ATP2A1: variants seen among roughly 807,000 people sequenced by gnomAD.
ATP2A1 encodes the protein sarcoplasmic/endoplasmic reticulum calcium ATPase 1.
A neutral mutation model predicts 109.5 loss-of-function variants in ATP2A1; 83 were observed. The ratio of observed to expected loss-of-function variants is 0.76; its 90% CI spans 0.63 to 0.91. The LOEUF is 0.91. ATP2A1 is among the 40% of genes least tolerant of loss of function. ATP2A1 has a pLI of 0.00. For synonymous variants in ATP2A1, 505 were observed against 537.6 expected (o/e 0.94, Z 0.84); for missense variants, 1,101 against 1,341.0 (o/e 0.82, Z 2.80).
chr16:28,901,619 T>C (rs977479601), intron 15 of ATP2A1, among the ~76,000 whole-genome samples: 1 of 151,440 alleles, frequency 6.6e-6, no homozygotes, highest in Non-Finnish European at 1.5e-5. Context: ...GGCGACAGAG[T>C]GAGACTCCGT....
rs149009015 is a variant in ATP2A1, at chr16:28,894,528, G to A, written c.1208G>A (p.Arg403Gln). Residue 403 changes from arginine to glutamine, a missense_variant, in exon 11 of 23, where the codon CGG (arginine) becomes CAG (glutamine). Physicochemically the swap from Arg to Gln is conservative, Grantham distance 43. Transcript: ENST00000395503. ...GEVLKNDKPV[R>Q]PGQYDGLVEL... The stretch of plus-strand genomic sequence containing the variant: ...AGCTTGAAGAATGATAAGCCAGTCC[G>A]GCCAGGGCAGTATGACGGGCTGGTG... 243 of 1,613,868 alleles carry A rather than the reference G, an allele frequency of 1.5e-4. No individual in the cohort carries two copies. Among genetic ancestry groups the A allele is most frequent in the African/African-American group, 1.3e-3 (97 of 74,884 alleles).
chr16:28,885,385 C>G (rs1211310827), intron 6 of ATP2A1, among the ~76,000 whole-genome samples: 4 of 151,964 alleles, frequency 2.6e-5, no homozygotes, highest in Non-Finnish European at 5.9e-5. Context: ...TGCTCTGTCA[C>G]CCAGGCTGGA....
At chr16:28,879,215 A>G (rs1245536021) in intron 2 of ATP2A1, 99 bp downstream of exon 2, 1 of 1,455,144 alleles carries the variant, frequency 6.9e-7, no homozygotes, top group Non-Finnish European at 9.6e-7. Flanking sequence ...TTGAGCAAAT[A>G]TCCCTTCCCA....
rs1290683034 is a variant in ATP2A1, at chr16:28,879,534, T to G, written c.170T>G (p.Phe57Cys). 6.2e-7 allele frequency: 1 copy of G among 1,614,034 alleles called. No homozygotes were observed. The highest frequency in any genetic ancestry group is 8.5e-7 in the Non-Finnish European group (1 of 1,180,026). Residue 57 changes from phenylalanine (F) to cysteine (C), a missense_variant, in exon 3 of 23, where the codon TTT (phenylalanine) becomes TGT (cysteine). Phe to Cys is a radical substitution (Grantham distance 205). Transcript: ENST00000395503. ...KTLWELVIEQFEDLLVRILLL... is the reference protein window; with the variant it reads ...KTLWELVIEQCEDLLVRILLL... ...CTGTGGGAGCTGGTGATAGAGCAGT[T>G]TGAAGACCTCCTGGTGCGGATTCTC... is the stretch of plus-strand genomic sequence containing the variant.
intron 8 of ATP2A1, 35 bp from the exon 9 acceptor site, chr16:28,888,743 CCTCCCCTTG>C: frequency 6.2e-7 from 1 of 1,604,420 alleles, no homozygotes; most frequent in Admixed American, 1.7e-5. Flanking sequence ...TCCCTCACAC[CCTCCCCTTG>C]CAGGTTCCCT....
chr16:28,900,152 T>A (rs1213170609), intron 14 of ATP2A1, among the ~76,000 whole-genome samples: 2 of 150,660 alleles, frequency 1.3e-5, no homozygotes, highest in African/African-American at 4.9e-5. Context: ...AAAAAAAAAA[T>A]TAGCTGGACA....
Position 28,887,607 on chromosome 16 carries a change from C to T in ATP2A1, c.813C>T (p.Val271=). The change falls in exon 8 of 23, where the codon GTC becomes GTT. Residue 271 remains valine, a synonymous_variant. Coordinates refer to ENST00000395503, the MANE Select transcript of ATP2A1 (RefSeq NM_004320.6). ...SKVISLICVA[V]WLINIGHFND... Reference sequence around the variant, plus strand: ...TCATCTCCCTCATCTGTGTGGCTGTCTGGCTTATCAACATTGGCCACTTCA... The same window carrying T: ...TCATCTCCCTCATCTGTGTGGCTGTTTGGCTTATCAACATTGGCCACTTCA... The T allele has an allele frequency of 6.8e-6, 11 of 1,614,170 alleles. No homozygotes were observed. Among genetic ancestry groups the T allele is most frequent in the Non-Finnish European group, 9.3e-6 (11 of 1,180,036 alleles).
chr16:28,884,197 C>T (rs146638517), intron 5 of ATP2A1, among the ~76,000 whole-genome samples: 1 of 152,294 alleles, frequency 6.6e-6, no homozygotes, highest in East Asian at 1.9e-4. Flanking sequence ...TCTTGTCCTA[C>T]AGCTGGACTG....
In ATP2A1 at chr16:28,882,562, G is replaced by A. The variant is rs933059972; in HGVS notation, c.436G>A (p.Val146Ile). ...GCAAAGGATCAAGGCTCGGGACATC[G>A]TCCCTGGGGACATCGTGGAGGTGGC... The part of the protein sequence containing the change: ...SVQRIKARDI[V>I]PGDIVEVAVG... The change falls in exon 5 of 23, where the codon GTC (valine) becomes ATC (isoleucine). Residue 146 changes from valine to isoleucine, a missense_variant. Val to Ile is a conservative substitution (Grantham distance 29, BLOSUM62 3). Transcript: ENST00000395503. The A allele has an allele frequency of 5.0e-6, 8 of 1,614,196 alleles. No homozygotes were observed. The East Asian group carries it at 6.7e-5, about 13-fold the overall frequency.
intron 12 of ATP2A1, among the ~76,000 whole-genome samples, chr16:28,896,818 C>T (rs1963931266): frequency 6.6e-6 from 1 of 150,652 alleles, no homozygotes; most frequent in Admixed American, 6.6e-5. Flanking sequence ...CTCAGCCTCC[C>T]GAGTAGCTAG....
intron 4 of ATP2A1, chr16:28,881,404 G>T: frequency 1.3e-5 from 4 of 304,946 alleles, no homozygotes; most frequent in South Asian, 6.9e-5. Flanking sequence ...TCTGCTTCCT[G>T]GTTTGTTTTG....
At chr16:28,881,136 T>C in intron 4 of ATP2A1, 117 bp downstream of exon 4, 2 of 1,036,744 alleles carry the variant, frequency 1.9e-6, no homozygotes, top group African/African-American at 1.6e-5. Context: ...CCTCTGGTCC[T>C]ATCCCCTGGT....
rs1403142339 is a variant in ATP2A1 at position 28,887,245 on chromosome 16, A to C, written c.601A>C (p.Asn201His). 1.2e-6 allele frequency: 2 copies of C among 1,613,916 alleles called. No individual in the cohort carries two copies. The highest frequency in any genetic ancestry group is 1.7e-6 in the Non-Finnish European group (2 of 1,179,994). The change falls in exon 7 of 23, where the codon AAC becomes CAC. Residue 201 changes from asparagine to histidine, a missense_variant. Physicochemically the swap from Asn to His is moderately conservative, Grantham distance 68. Coordinates refer to ENST00000395503, the MANE Select transcript of ATP2A1 (RefSeq NM_004320.6). ...GCCCGTTCCTGACCCCCGAGCTGTC[A>C]ACCAGGACAAGAAGAACATGCTTTT... Reference protein sequence around the residue: ...TEPVPDPRAVNQDKKNMLFSG... With the variant: ...TEPVPDPRAVHQDKKNMLFSG...
intron 9 of ATP2A1, among the ~76,000 whole-genome samples, chr16:28,893,649 T>C (rs1490870254): frequency 8.7e-6 from 1 of 114,810 alleles, no homozygotes; most frequent in Non-Finnish European, 1.6e-5. Flanking sequence ...TTGTGGGTTT[T>C]TTTTTGTTTT....
At chr16:28,879,348 TC>T in intron 2 of ATP2A1, 152 bp from the exon 3 acceptor site, 1 of 879,004 alleles carries the variant, frequency 1.1e-6, no homozygotes, top group South Asian at 1.4e-5. Flanking sequence ...GTTTCTGGAC[TC>T]CAGGCGAGCT....
At chr16:28,893,292 C>G (rs1014427417) in intron 9 of ATP2A1, among the ~76,000 whole-genome samples, 5 of 151,214 alleles carry the variant, frequency 3.3e-5, no homozygotes, top group Admixed American at 6.6e-5. Flanking sequence ...GTGGCCCCAA[C>G]TACTTGGGTA....
chr16:28,894,083 T>G (rs1467972385), intron 9 of ATP2A1, 72 bp from the exon 10 acceptor site: 1 of 1,361,332 alleles, frequency 7.3e-7, no homozygotes, highest in Non-Finnish European at 1.0e-6. Context: ...AGTGCAGGCC[T>G]CCCTTGATGC....
intron 12 of ATP2A1, among the ~76,000 whole-genome samples, chr16:28,897,164 A>C (rs917639304): frequency 4.0e-4 from 61 of 152,142 alleles, no homozygotes; most frequent in Admixed American, 3.8e-3. Flanking sequence ...AGTTGCACCA[A>C]TTGTACAGTG....
intron 6 of ATP2A1, among the ~76,000 whole-genome samples, chr16:28,885,830 TGA>T (rs1379936882): frequency 6.6e-6 from 1 of 151,622 alleles, no homozygotes; most frequent in Non-Finnish European, 1.5e-5. Flanking sequence ...GGAGGAGCCA[TGA>T]GATTCTAGGA....
Sources: allele counts gnomAD v4.1 joint callset (sites outside exome capture counted in the v4.1 genomes callset), GRCh38; gene constraint gnomAD v4.1.1; transcripts MANE v1.5; gene names NCBI Gene and HGNC (gene_info 2026-07-23, HGNC 2026-07-21).